SYN3: variants seen among roughly 807,000 people sequenced by gnomAD.
The protein encoded by SYN3 is synapsin-3.
A neutral mutation model predicts 65.8 loss-of-function variants in SYN3; 35 were observed. The ratio of observed to expected loss-of-function variants is 0.53; its 90% CI spans 0.41 to 0.70. The LOEUF (loss-of-function observed/expected upper bound fraction) is 0.70. SYN3 is among the 30% of genes least tolerant of loss of function. The probability of loss-of-function intolerance (pLI) is 0.00; values close to 1 mark genes in which losing one functional copy is unlikely to be tolerated. For missense variants in SYN3, 680 were observed against 749.0 expected (o/e 0.91, Z 1.08); for synonymous variants, 270 against 292.9 (o/e 0.92, Z 0.80).
Position 32,957,254 on chromosome 22 carries a change from C to T in SYN3, c.369+23391G>A, listed in dbSNP as rs190098134. The stretch of plus-strand genomic sequence containing the variant: ...CCAAGCTGCCCAAGGGTTAAGTAAA[C>T]GCAAACATGGGTAAATGCAGTGAAA... On this transcript the variant is annotated intron_variant, in intron 3 of 13. Coordinates refer to ENST00000358763, the MANE Select transcript of SYN3 (RefSeq NM_003490.4). 1.7e-4 allele frequency among the ~76,000 whole-genome samples: 26 copies of T among 152,292 alleles called. No homozygotes were observed. The East Asian group carries it at 2.3e-3, about 14-fold the overall frequency.
At chr22:33,041,063 C>T (rs553143569) in intron 1 of SYN3, among the ~76,000 whole-genome samples, 4 of 150,558 alleles carry the variant, frequency 2.7e-5, no homozygotes, top group South Asian at 2.1e-4. Flanking sequence ...TACAGGCATG[C>T]GCCACCATCC....
At chr22:33,036,539 T>C (rs961723618) in intron 1 of SYN3, among the ~76,000 whole-genome samples, 3 of 152,152 alleles carry the variant, frequency 2.0e-5, no homozygotes, top group Admixed American at 6.6e-5. Context: ...GAGGCATCTA[T>C]ATAACGAACT....
intron 4 of SYN3, among the ~76,000 whole-genome samples, chr22:32,924,330 A>G (rs1017864879): frequency 6.6e-6 from 1 of 152,204 alleles, no homozygotes; most frequent in African/African-American, 2.4e-5. Context: ...TCCTGTAACA[A>G]ATCTTGCTAA....
intron 1 of SYN3, among the ~76,000 whole-genome samples, chr22:33,044,438 T>G (rs886880718): frequency 6.6e-6 from 1 of 152,122 alleles, no homozygotes; most frequent in African/African-American, 2.4e-5. Context: ...CTTCAATCAC[T>G]TTAGACTCAC....
At chr22:32,645,851 C>T (rs2059975890) in intron 6 of SYN3, among the ~76,000 whole-genome samples, 1 of 132,004 alleles carries the variant, frequency 7.6e-6, no homozygotes, top group East Asian at 2.6e-4. Flanking sequence ...AATTCCCTGT[C>T]TGGGGGAAAG....
intron 6 of SYN3, among the ~76,000 whole-genome samples, chr22:32,814,317 C>CAA (rs931213375): frequency 1.1e-4 from 5 of 43,694 alleles, no homozygotes; most frequent in Admixed American, 1.1e-3. Context: ...GAGAGAGAGA[C>CAA]AGAAAGAAAG....
In SYN3 at chr22:32,781,004, CTTCT is replaced by C. The variant is rs1413730792; in HGVS notation, c.711+83907_711+83910del. On this transcript the variant is annotated intron_variant, in intron 6 of 13. Transcript: ENST00000358763. ...CTCCTTCCTTCCTCTCTCTCACCCC[CTTCT>C]TTCTTTCTTTCTCTCTCTCTTTTTT... 4.5e-4 allele frequency among the ~76,000 whole-genome samples: 42 copies of C among 92,994 alleles called. 1 individual carries two copies. The highest frequency in any genetic ancestry group is 9.0e-4 in the African/African-American group (21 of 23,342). 61.0% of individuals were successfully genotyped at this position (92,994 alleles called of 152,430 possible). A position where few individuals can be genotyped will look rare whatever the true frequency, so the allele number is the denominator to read the frequency against.
intron 6 of SYN3, among the ~76,000 whole-genome samples, chr22:32,815,180 TGCACA>T (rs1251582819): frequency 6.6e-6 from 1 of 152,228 alleles, no homozygotes; most frequent in African/African-American, 2.4e-5. Flanking sequence ...TCATGAACTG[TGCACA>T]GGGATATGGG....
chr22:32,702,754 G>A (rs1022749847), intron 6 of SYN3, among the ~76,000 whole-genome samples: 3 of 152,078 alleles, frequency 2.0e-5, no homozygotes, highest in Non-Finnish European at 4.4e-5. Context: ...AAATGACAGT[G>A]GTTTTAAGAG....
chr22:32,753,130 C>T (rs893106954), intron 6 of SYN3, among the ~76,000 whole-genome samples: 18 of 152,176 alleles, frequency 1.2e-4, no homozygotes, highest in Admixed American at 3.3e-4. Flanking sequence ...ATCAGCAGCA[C>T]TGCCCCTCTC....
At chr22:32,807,446 C>G (rs1316076290) in intron 6 of SYN3, among the ~76,000 whole-genome samples, 1 of 124,980 alleles carries the variant, frequency 8.0e-6, no homozygotes, top group Non-Finnish European at 1.6e-5. Context: ...ATATATATTT[C>G]TTTTATGTAT....
chr22:32,935,296 TCTCTCTCTCTCTCA>T (rs1230026461), intron 3 of SYN3, among the ~76,000 whole-genome samples: 1 of 148,494 alleles, frequency 6.7e-6, no homozygotes, highest in Non-Finnish European at 1.5e-5. Context: ...TCTCTCTCTC[TCTCTCTCTCTCTCA>T]CACACACACA....
At chr22:32,954,984 T>C (rs1309893519) in intron 3 of SYN3, among the ~76,000 whole-genome samples, 1 of 150,846 alleles carries the variant, frequency 6.6e-6, no homozygotes, top group East Asian at 2.0e-4. Flanking sequence ...AAAATCTTTC[T>C]CAGGATTGTA....
intron 3 of SYN3, among the ~76,000 whole-genome samples, chr22:32,956,107 C>A (rs974110721): frequency 1.4e-5 from 2 of 141,306 alleles, no homozygotes; most frequent in Non-Finnish European, 3.1e-5. Flanking sequence ...CTAATACCGC[C>A]CCCCCCAAAA....
chr22:32,850,565 G>A (rs146279576), intron 6 of SYN3, among the ~76,000 whole-genome samples: 8 of 152,270 alleles, frequency 5.3e-5, no homozygotes, highest in South Asian at 2.1e-4. Context: ...CAGGGAGGCC[G>A]TGAGGGAGAT....
chr22:32,812,832 C>A, intron 6 of SYN3, among the ~76,000 whole-genome samples: 1 of 152,306 alleles, frequency 6.6e-6, no homozygotes, highest in African/African-American at 2.4e-5. Context: ...CAGGGAGAAA[C>A]CCCAGTGACA....
chr22:32,865,084 A>G (rs1017138570), intron 5 of SYN3, 80 bp from the exon 6 acceptor site: 6 of 1,143,876 alleles, frequency 5.2e-6, no homozygotes, highest in African/African-American at 1.5e-5. Flanking sequence ...TGAGGCCTCA[A>G]GCATCTGACT....
intron 6 of SYN3, among the ~76,000 whole-genome samples, chr22:32,814,371 AAG>A (rs1299689011): frequency 6.6e-6 from 1 of 150,636 alleles, no homozygotes; most frequent in Non-Finnish European, 1.5e-5. Context: ...GAAAGAAAGA[AAG>A]AGATTGGTTT....
At chr22:32,911,786 C>G (rs2050058881) in intron 4 of SYN3, among the ~76,000 whole-genome samples, 1 of 152,112 alleles carries the variant, frequency 6.6e-6, no homozygotes, top group African/African-American at 2.4e-5. Context: ...CTCCTCTGAC[C>G]CTTGAACCAT....
Sources: allele counts gnomAD v4.1 joint callset (sites outside exome capture counted in the v4.1 genomes callset), GRCh38; gene constraint gnomAD v4.1.1; transcripts MANE v1.5; gene names NCBI Gene and HGNC (gene_info 2026-07-23, HGNC 2026-07-21).